The following PDZD2 variants were observed in gnomAD, a reference collection of about 807,000 sequenced individuals.
PDZD2 encodes the protein PDZ domain-containing protein 2.
Under a neutral mutation model 220.7 loss-of-function variants are expected in PDZD2, and 90 were observed. That is an observed-to-expected ratio of 0.41 (90% CI 0.34 to 0.49). The LOEUF (loss-of-function observed/expected upper bound fraction) is 0.49, where lower values mean the gene tolerates loss of function less well. PDZD2 is among the 20% of genes least tolerant of loss of function. The pLI is 0.28. For synonymous variants in PDZD2, 1,375 were observed against 1,450.5 expected (o/e 0.95, Z 1.18); for missense variants, 3,174 against 3,608.5 (o/e 0.88, Z 3.08).
At chr5:31,838,288 C>T (rs1757067879) in intron 2 of PDZD2, among the ~76,000 whole-genome samples, 1 of 152,146 alleles carries the variant, frequency 6.6e-6, no homozygotes, top group Non-Finnish European at 1.5e-5. Flanking sequence ...GAAGTCCTGA[C>T]CTCAAATGAT....
chr5:31,899,425 G>A (rs1403666781), intron 2 of PDZD2, among the ~76,000 whole-genome samples: 5 of 152,280 alleles, frequency 3.3e-5, no homozygotes, highest in Non-Finnish European at 4.4e-5. Context: ...GAGCCAGTGC[G>A]CCGGGCTGGA....
At chr5:32,007,456 A>T (rs938448401) in intron 5 of PDZD2, among the ~76,000 whole-genome samples, 12 of 152,048 alleles carry the variant, frequency 7.9e-5, no homozygotes, top group Non-Finnish European at 1.3e-4. Context: ...AAGAGGACTG[A>T]ACTCACTTTT....
rs563348151 is a variant in PDZD2, at chr5:31,742,994, AC to A, written c.-360-55894del. The stretch of plus-strand genomic sequence containing the variant: ...ATTGAGCTTCTAAGTGAATTCAGAA[AC>A]TTTTCCAAATATTCTTTCTGATTAG... On this transcript the variant is annotated intron_variant, in intron 1 of 24. Transcript: ENST00000438447. Among the ~76,000 whole-genome samples, 557 of 152,242 alleles carry A rather than the reference AC, an allele frequency of 3.7e-3. 5 individuals carry two copies. Among genetic ancestry groups the A allele is most frequent in the Non-Finnish European group, 6.3e-3 (428 of 68,008 alleles).
At chr5:31,867,486 G>A (rs1382073539) in intron 2 of PDZD2, among the ~76,000 whole-genome samples, 1 of 152,198 alleles carries the variant, frequency 6.6e-6, no homozygotes, top group African/African-American at 2.4e-5. Flanking sequence ...GGTGAGGGCT[G>A]CTGGCAGAGC....
At chr5:31,941,672 G>C (rs983853914) in intron 2 of PDZD2, among the ~76,000 whole-genome samples, 1 of 152,160 alleles carries the variant, frequency 6.6e-6, no homozygotes, top group Non-Finnish European at 1.5e-5. Context: ...GGGTCCCACT[G>C]GCCCATCCAA....
chr5:32,081,310 G>A (rs1168810980), intron 19 of PDZD2, among the ~76,000 whole-genome samples: 4 of 152,148 alleles, frequency 2.6e-5, no homozygotes, highest in Non-Finnish European at 2.9e-5. Flanking sequence ...GTGCAGCTAT[G>A]TGTCCCTTAC....
At chr5:31,661,503 G>A (rs1214482696) in intron 1 of PDZD2, 1 of 152,196 alleles carries the variant, frequency 6.6e-6, no homozygotes, top group Admixed American at 6.5e-5. Context: ...AACCCAAGCT[G>A]TAGAGACTCA....
rs563056579 is a variant in PDZD2, at chr5:31,920,153, A to G, written c.477-63002A>G. ...ACAAAAGTTAGCCAGGCATAGTGGC[A>G]CGCACCTATAATCCCAGCTACTCGG... On this transcript the variant is annotated intron_variant, in intron 2 of 24. Coordinates refer to ENST00000438447, the MANE Select transcript of PDZD2 (RefSeq NM_178140.4). Among the ~76,000 whole-genome samples the G allele has an allele frequency of 2.0e-5, 3 of 152,000 alleles. No homozygotes were observed. The East Asian group carries it at 5.8e-4, about 30-fold the overall frequency.
chr5:31,867,721 G>A (rs1439169425), intron 2 of PDZD2, among the ~76,000 whole-genome samples: 2 of 152,218 alleles, frequency 1.3e-5, no homozygotes, highest in East Asian at 3.8e-4. Context: ...CTGAGAGCAA[G>A]CTGAGGTCTG....
intron 14 of PDZD2, among the ~76,000 whole-genome samples, chr5:32,068,555 CT>C (rs1414440363): frequency 6.6e-6 from 1 of 152,214 alleles, no homozygotes; most frequent in Non-Finnish European, 1.5e-5. Flanking sequence ...TGGCATTAAA[CT>C]TTCTGTGAGC....
At chr5:31,822,882 T>C in intron 2 of PDZD2, 2 of 801,932 alleles carry the variant, frequency 2.5e-6, no homozygotes, top group Non-Finnish European at 4.2e-6. Flanking sequence ...GGAAGCCCAG[T>C]GTGACACCCT....
At chr5:32,054,249 G>C (rs901407904) in intron 10 of PDZD2, among the ~76,000 whole-genome samples, 1 of 146,306 alleles carries the variant, frequency 6.8e-6, no homozygotes, top group African/African-American at 2.5e-5. Context: ...CTGGTCATTA[G>C]TGGATATTTA....
intron 18 of PDZD2, among the ~76,000 whole-genome samples, chr5:32,076,174 T>C (rs1434594647): frequency 2.6e-5 from 4 of 151,456 alleles, no homozygotes; most frequent in Non-Finnish European, 4.4e-5. Context: ...TAATCCCAGC[T>C]ACTCGGGAGT....
intron 2 of PDZD2, among the ~76,000 whole-genome samples, chr5:31,892,652 C>G (rs1107295): frequency 0.46 from 69,423 of 151,006 alleles, 16,278 homozygotes; most frequent in Admixed American, 0.52. Context: ...ACTGCAGCCT[C>G]GACATCCCGG....
chr5:31,928,904 T>C (rs1347128837), intron 2 of PDZD2, among the ~76,000 whole-genome samples: 2 of 152,088 alleles, frequency 1.3e-5, no homozygotes, highest in African/African-American at 2.4e-5. Context: ...AAAGGAGATA[T>C]AAGAGGGAAT....
chr5:31,791,586 G>A (rs1191635504), intron 1 of PDZD2, among the ~76,000 whole-genome samples: 9 of 65,542 alleles, frequency 1.4e-4, no homozygotes, highest in African/African-American at 2.2e-4. Context: ...GAGAAACTCC[G>A]TCTCAAAAAA....
At position 31,656,296 on chromosome 5, in the gene PDZD2, C is replaced by A. The variant is rs114712856; in HGVS notation, c.-361+16859C>A. The stretch of plus-strand genomic sequence containing the variant: ...GGAAAGTCTCATTCCCTTTGAAAAG[C>A]CTTCCCCGCCTTCCCTGGCTGGCAG... On this transcript the variant is annotated intron_variant, in intron 1 of 24. Transcript: ENST00000438447. Among the ~76,000 whole-genome samples, 1,177 of 152,332 alleles carry A rather than the reference C, an allele frequency of 7.7e-3. 18 individuals carry two copies. The highest frequency in any genetic ancestry group is 0.027 in the African/African-American group (1,122 of 41,574).
At chr5:31,669,422 A>G (rs1234718307) in intron 1 of PDZD2, among the ~76,000 whole-genome samples, 1 of 141,686 alleles carries the variant, frequency 7.1e-6, no homozygotes. Context: ...AAAAAAAAAA[A>G]ATAAGATCTA....
chr5:32,095,375 C>T (rs1160816233), intron 21 of PDZD2, among the ~76,000 whole-genome samples: 1 of 152,240 alleles, frequency 6.6e-6, no homozygotes, highest in African/African-American at 2.4e-5. Flanking sequence ...CATCCTCAGT[C>T]TAGAAGCTTC....
Sources: allele counts gnomAD v4.1 joint callset (sites outside exome capture counted in the v4.1 genomes callset), GRCh38; gene constraint gnomAD v4.1.1; transcripts MANE v1.5; gene names NCBI Gene and HGNC (gene_info 2026-07-23, HGNC 2026-07-21).